The following SORBS2 variants were observed in gnomAD, a reference collection of about 807,000 sequenced individuals.
SORBS2 encodes sorbin and SH3 domain-containing protein 2.
Under a neutral mutation model 97.7 loss-of-function variants are expected in SORBS2, and 46 were observed. The ratio of observed to expected loss-of-function variants is 0.47; its 90% CI spans 0.37 to 0.60. SORBS2 has a LOEUF of 0.60. Ranked by LOEUF, SORBS2 falls within the 20% of genes least tolerant of loss-of-function variation. SORBS2 has a pLI of 0.00. For missense variants in SORBS2, 1,316 were observed against 1,282.3 expected (o/e 1.03, Z -0.40); for synonymous variants, 476 against 473.4 (o/e 1.01, Z -0.07).
intron 1 of SORBS2, among the ~76,000 whole-genome samples, chr4:185,909,640 T>C (rs1308949456): frequency 6.6e-6 from 1 of 152,198 alleles, no homozygotes; most frequent in East Asian, 1.9e-4. Flanking sequence ...TAGCCAAAGA[T>C]TCTGAAGAAT....
At chr4:185,659,138 G>A (rs2097464291), upstream of SORBS2, among the ~76,000 whole-genome samples, 3 of 152,152 alleles carry the variant, frequency 2.0e-5, no homozygotes, top group Admixed American at 2.0e-4. Flanking sequence ...AATTTAGTTT[G>A]CATCAGAAAG....
chr4:185,796,269 T>C (rs139171531), intron 1 of SORBS2, among the ~76,000 whole-genome samples: 4 of 152,290 alleles, frequency 2.6e-5, no homozygotes, highest in African/African-American at 7.2e-5. Context: ...ACAGAGAAAC[T>C]ATCTTATAAA....
intron 1 of SORBS2, among the ~76,000 whole-genome samples, chr4:185,861,096 T>G (rs2149710551): frequency 6.6e-6 from 1 of 152,288 alleles, no homozygotes; most frequent in Admixed American, 6.5e-5. Context: ...GGGCCTGCTG[T>G]CTATCTTGTT....
chr4:185,851,487 T>A (rs1022492427), intron 1 of SORBS2, among the ~76,000 whole-genome samples: 7 of 152,198 alleles, frequency 4.6e-5, no homozygotes, highest in Non-Finnish European at 8.8e-5. Flanking sequence ...CTTTTGGGAT[T>A]TTTTTAAAAT....
At chr4:185,813,195 C>T (rs1285121532) in intron 1 of SORBS2, 1 of 152,208 alleles carries the variant, frequency 6.6e-6, no homozygotes, top group East Asian at 1.9e-4. Context: ...TATGTTAACA[C>T]TTTGGACTTG....
intron 2 of SORBS2, among the ~76,000 whole-genome samples, chr4:185,703,484 G>GA (rs961260507): frequency 2.0e-5 from 3 of 151,546 alleles, no homozygotes; most frequent in Non-Finnish European, 4.4e-5. Context: ...GCTTTTGAAG[G>GA]AAAAAAAACT....
intron 1 of SORBS2, among the ~76,000 whole-genome samples, chr4:185,852,900 G>A (rs2099218728): frequency 1.3e-5 from 2 of 152,136 alleles, no homozygotes; most frequent in African/African-American, 4.8e-5. Flanking sequence ...TGAGGATGCT[G>A]GGTCTCTGTT....
chr4:185,847,177 T>C (rs148253024), intron 1 of SORBS2, among the ~76,000 whole-genome samples: 28 of 152,348 alleles, frequency 1.8e-4, no homozygotes, highest in African/African-American at 6.0e-4. Flanking sequence ...CCCATCATAA[T>C]GTAAGTCTGC....
intron 2 of SORBS2, among the ~76,000 whole-genome samples, chr4:185,695,390 C>A (rs779756594): frequency 3.3e-5 from 5 of 152,064 alleles, no homozygotes; most frequent in Admixed American, 6.5e-5. Flanking sequence ...CACAGACGAA[C>A]CTTAAGCCAA....
At chr4:185,858,348 A>T (rs1159759069) in intron 1 of SORBS2, among the ~76,000 whole-genome samples, 3 of 152,210 alleles carry the variant, frequency 2.0e-5, no homozygotes, top group Non-Finnish European at 4.4e-5. Flanking sequence ...CAGCCCCCAG[A>T]ACTGTGAGCT....
chr4:185,745,842 C>G (rs1477719138), intron 2 of SORBS2, among the ~76,000 whole-genome samples: 2 of 152,152 alleles, frequency 1.3e-5, no homozygotes, highest in South Asian at 4.1e-4. Context: ...AGTGACTGCT[C>G]TTGGCCATGA....
chr4:185,598,277 A>G (rs1381674121), intron 12 of SORBS2, among the ~76,000 whole-genome samples: 7 of 152,128 alleles, frequency 4.6e-5, no homozygotes, highest in African/African-American at 1.7e-4. Flanking sequence ...ATCGTATCCT[A>G]AATATGTATT....
At chr4:185,711,709 G>A (rs1317808634) in intron 2 of SORBS2, among the ~76,000 whole-genome samples, 1 of 152,184 alleles carries the variant, frequency 6.6e-6, no homozygotes, top group African/African-American at 2.4e-5. Flanking sequence ...AATCGTAGAG[G>A]AATGTCCAAA....
chr4:185,587,986 G>A (rs2095827589), intron 14 of SORBS2: 1 of 297,178 alleles, frequency 3.4e-6, no homozygotes, highest in African/African-American at 2.2e-5. Context: ...GAGGGGGGCG[G>A]AGGAGCTCAG....
At chr4:185,949,086 G>T (rs747546309) in intron 1 of SORBS2, among the ~76,000 whole-genome samples, 1 of 151,932 alleles carries the variant, frequency 6.6e-6, no homozygotes, top group African/African-American at 2.4e-5. Context: ...GGAAACAGGA[G>T]GGGGGTTGGG....
At chr4:185,886,193 G>T (rs1047995721) in intron 1 of SORBS2, among the ~76,000 whole-genome samples, 1 of 152,190 alleles carries the variant, frequency 6.6e-6, no homozygotes, top group Non-Finnish European at 1.5e-5. Context: ...TTCCTTGCTA[G>T]AAACTCTTAT....
intron 9 of SORBS2, among the ~76,000 whole-genome samples, chr4:185,616,179 T>C (rs1346251737): frequency 6.6e-6 from 1 of 152,246 alleles, no homozygotes; most frequent in African/African-American, 2.4e-5. Flanking sequence ...TAAAAAATTT[T>C]GGTTCAGAAT....
rs575579223 is a variant in SORBS2, at chr4:185,744,146, TTC to T, written c.-198+31079_-198+31080del. ...TTTCCTCTTCTTCCTCCTCCTTCCC[TTC>T]TCTCTTTTTTTGTTATTTGATCTCC... On this transcript the variant is annotated intron_variant, in intron 2 of 20. Coordinates refer to the SORBS2 transcript ENST00000284776. 3.3e-5 allele frequency among the ~76,000 whole-genome samples: 5 copies of T among 150,864 alleles called. No individual in the cohort carries two copies. The South Asian group carries it at 1.1e-3, about 32-fold the overall frequency.
Position 185,606,464 on chromosome 4 carries a change from T to C in SORBS2, c.2796+5316A>G. Reference sequence around the variant, plus strand: ...ACTCCACCCCCATCTTATATAGTATTTGTGTTTTTTGTTTAAAAAAATCTG... The same window carrying C: ...ACTCCACCCCCATCTTATATAGTATCTGTGTTTTTTGTTTAAAAAAATCTG... On this transcript the variant is annotated intron_variant, in intron 12 of 14. Transcript: ENST00000418609. The surrounding 1 kb of genome is among the most constrained non-coding windows in gnomAD (Gnocchi z 4.3). 4 of 977,870 alleles carry C rather than the reference T, an allele frequency of 4.1e-6. No homozygotes were observed. The highest frequency in any genetic ancestry group is 4.9e-6 in the Non-Finnish European group (4 of 823,052). 60.6% of individuals were successfully genotyped at this position (977,870 alleles called of 1,614,324 possible). A position where few individuals can be genotyped will look rare whatever the true frequency, so the allele number is the denominator to read the frequency against.
Sources: gnomAD v4.1 joint callset for allele counts (sites outside exome capture counted in the v4.1 genomes callset) on GRCh38, gnomAD v4.1.1 for gene constraint, Gnocchi (gnomAD v3.1) non-coding constraint, MANE v1.5 for transcripts, NCBI Gene and HGNC (gene_info 2026-07-23, HGNC 2026-07-21) for gene names.